The following LBP variants were observed in gnomAD, a reference collection of about 807,000 sequenced individuals.
LBP encodes the protein lipopolysaccharide binding protein.
LBP carries 53 observed loss-of-function variants against 56.6 expected under a neutral mutation model. The ratio of observed to expected loss-of-function variants is 0.94; its 90% CI spans 0.75 to 1.18. The LOEUF (loss-of-function observed/expected upper bound fraction) is 1.18. Ranked by LOEUF, LBP falls within the 50% of genes most tolerant of loss-of-function variation. The pLI, the probability that LBP is intolerant of heterozygous loss-of-function variation, is 0.00. For missense variants in LBP, 601 were observed against 598.3 expected (o/e 1.00, Z -0.05); for synonymous variants, 227 against 247.5 (o/e 0.92, Z 0.78).
intron 1 of LBP, among the ~76,000 whole-genome samples, chr20:38,347,459 G>T (rs1306980006): frequency 6.6e-6 from 1 of 152,116 alleles, no homozygotes; most frequent in Non-Finnish European, 1.5e-5. Flanking sequence ...CAGGAGAATC[G>T]CTTGAACCCG....
At position 38,366,973 on chromosome 20, in the gene LBP, T is replaced by C. The variant is rs2232612; in HGVS notation, c.981+145T>C. ...CCACTGAAGGCTGGGGTGCTGCTCC[T>C]TTCAAAGCCTAAATAACAGAGGCCA... On this transcript the variant is annotated intron_variant, in intron 9 of 14. Transcript: ENST00000217407. 7.6e-3 allele frequency: 5,605 copies of C among 738,052 alleles called. 248 individuals carry two copies. The African/African-American group carries it at 0.087, about 11-fold the overall frequency. 45.7% of individuals were successfully genotyped at this position (738,052 alleles called of 1,614,324 possible). A position where few individuals can be genotyped will look rare whatever the true frequency, so the allele number is the denominator to read the frequency against.
intron 5 of LBP, 113 bp downstream of exon 5, chr20:38,355,522 G>A: frequency 2.2e-6 from 2 of 922,820 alleles, no homozygotes; most frequent in Non-Finnish European, 1.7e-6. Context: ...ACGTACTTGG[G>A]CCCAAAGCCC....
intron 3 of LBP, among the ~76,000 whole-genome samples, chr20:38,353,359 C>T (rs6025102): frequency 0.25 from 37,837 of 151,998 alleles, 6,797 homozygotes; most frequent in African/African-American, 0.51. Flanking sequence ...ACAACCACCA[C>T]TGGGGTTGGA....
At chr20:38,350,115 A>C (rs948739842) in intron 2 of LBP, among the ~76,000 whole-genome samples, 2 of 152,110 alleles carry the variant, frequency 1.3e-5, no homozygotes, top group African/African-American at 4.8e-5. Context: ...AGATTACTAG[A>C]CTTGAGCAGC....
Position 38,355,373 on chromosome 20 carries a change from G to T in LBP, c.552G>T (p.Gln184His), listed in dbSNP as rs367837728. 2.6e-5 allele frequency: 42 copies of T among 1,613,706 alleles called. No homozygotes were observed. The African/African-American group carries it at 5.3e-4, about 21-fold the overall frequency. The change falls in exon 5 of 15, where the codon CAG (glutamine) becomes CAT (histidine). Residue 184 changes from glutamine to histidine, a missense_variant. Gln to His is a conservative substitution (Grantham distance 24, BLOSUM62 0). Transcript: ENST00000217407. ...LGWLLNLFHN[Q>H]IESKFQKVLE... ...GGCTGTTGAACCTCTTCCACAACCA[G>T]ATTGAGTCCAAGTTCCAGAAAGTAC... is the stretch of plus-strand genomic sequence containing the variant.
In LBP at chr20:38,350,881, A is replaced by G. The variant is rs1235638920; in HGVS notation, c.310A>G (p.Ser104Gly). ...TGTCCCTGGCCAGGGCCTGAGTCTC[A>G]GCATCTCCGACTCCTCCATCCGGGT... ...RPVPGQGLSLSISDSSIRVQG... is the reference protein window; with the variant it reads ...RPVPGQGLSLGISDSSIRVQG... Residue 104 changes from serine (S) to glycine (G), a missense_variant, in exon 3 of 15, where the codon AGC becomes GGC. By Grantham distance (56) the Ser-to-Gly change is moderately conservative. Coordinates refer to ENST00000217407, the MANE Select transcript of LBP (RefSeq NM_004139.5). The G allele has an allele frequency of 1.3e-5, 21 of 1,614,032 alleles. No homozygotes were observed. The highest frequency in any genetic ancestry group is 3.3e-5 in the Admixed American group (2 of 60,026).
intron 7 of LBP, among the ~76,000 whole-genome samples, chr20:38,364,334 C>T (rs554704197): frequency 7.2e-5 from 11 of 152,220 alleles, no homozygotes; most frequent in South Asian, 2.1e-4. Context: ...CCAATCAGAG[C>T]GGGTCTTAGG....
rs1277715285 is a variant in LBP at position 38,373,126 on chromosome 20, A to G, written c.1315A>G (p.Lys439Glu). 6.2e-7 allele frequency: 1 copy of G among 1,613,090 alleles called. No individual in the cohort carries two copies. Among genetic ancestry groups the G allele is most frequent in the East Asian group, 2.2e-5 (1 of 44,896 alleles). Residue 439 changes from lysine (K) to glutamate (E), a missense_variant, in exon 13 of 15, where the codon AAG becomes GAG. By Grantham distance (56) the Lys-to-Glu change is moderately conservative (BLOSUM62 1). Transcript: ENST00000217407. ...NYYILNTFYP[K>E]FNDKLAEGFP... ...TTACATCCTTAACACCTTCTACCCC[A>G]AGTTCAATGGTAAGAATCACTGTGG...
At chr20:38,374,051 G>A in intron 14 of LBP, 38 bp downstream of exon 14, 2 of 1,594,238 alleles carry the variant, frequency 1.3e-6, no homozygotes, top group Middle Eastern at 1.7e-4. Context: ...ATGTGTGAGG[G>A]AGGAGGTGGT....
chr20:38,373,263 C>A, intron 13 of LBP, 128 bp downstream of exon 13: 1 of 735,072 alleles, frequency 1.4e-6, no homozygotes, highest in Non-Finnish European at 2.3e-6. Context: ...TCTCTCTGAG[C>A]TTAGTGACCT....
At chr20:38,362,441 C>T (rs2076864384) in intron 6 of LBP, among the ~76,000 whole-genome samples, 1 of 149,940 alleles carries the variant, frequency 6.7e-6, no homozygotes, top group African/African-American at 2.4e-5. Flanking sequence ...GGTGAAACCC[C>T]GTCTCTACTA....
At chr20:38,371,170 C>A in intron 11 of LBP, 110 bp from the exon 12 acceptor site, 2 of 788,258 alleles carry the variant, frequency 2.5e-6, no homozygotes, top group Non-Finnish European at 4.3e-6. Context: ...TCCCGCCCTA[C>A]CTTTGGCCCT....
chr20:38,356,454 A>C (rs11700360), intron 5 of LBP, among the ~76,000 whole-genome samples: 7,608 of 101,130 alleles, frequency 0.075, 290 homozygotes, highest in South Asian at 0.15. Context: ...ACACACACAC[A>C]CCCTCGTCTG....
At chr20:38,358,131 C>T (rs2076847683) in intron 5 of LBP, among the ~76,000 whole-genome samples, 1 of 152,212 alleles carries the variant, frequency 6.6e-6, no homozygotes, top group South Asian at 2.1e-4. Context: ...GTCTCAGCCT[C>T]ATTTTGCCCC....
chr20:38,360,887 G>A (rs1445310358), intron 6 of LBP, 120 bp downstream of exon 6: 15 of 704,996 alleles, frequency 2.1e-5, no homozygotes, highest in Non-Finnish European at 3.2e-5. Context: ...TAAGGGCCAG[G>A]CGCAGCGGCT....
rs200416387 is a variant in LBP, at chr20:38,366,829, G to A, written c.981+1G>A. 2.9e-5 allele frequency: 46 copies of A among 1,613,734 alleles called. No individual in the cohort carries two copies. The highest frequency in any genetic ancestry group is 9.3e-5 in the African/African-American group (7 of 74,878). On this transcript the variant is annotated splice_donor_variant, in intron 9 of 14. Coordinates refer to ENST00000217407, the MANE Select transcript of LBP (RefSeq NM_004139.5). LOFTEE classifies it high-confidence loss of function. ...GTCCTTCCGACCCTTCGTCCCACGGGTAAGGAGTCCCTTAGTTCCCCATGA... is the reference window on the plus strand; with the variant it reads ...GTCCTTCCGACCCTTCGTCCCACGGATAAGGAGTCCCTTAGTTCCCCATGA...
chr20:38,364,248 G>C (rs187348076), intron 7 of LBP, among the ~76,000 whole-genome samples, 182 bp downstream of exon 7: 1 of 152,278 alleles, frequency 6.6e-6, no homozygotes, highest in Non-Finnish European at 1.5e-5. Flanking sequence ...TCCCACGGCT[G>C]TCTTACACCT....
At chr20:38,352,803 A>G (rs974522360) in intron 3 of LBP, among the ~76,000 whole-genome samples, 1 of 151,792 alleles carries the variant, frequency 6.6e-6, no homozygotes, top group African/African-American at 2.4e-5. Flanking sequence ...TAGCCACCAC[A>G]CCTGGCTAAT....
intron 2 of LBP, 103 bp from the exon 3 acceptor site, chr20:38,350,708 C>T: frequency 7.5e-7 from 1 of 1,331,926 alleles, no homozygotes; most frequent in Non-Finnish European, 1.0e-6. Context: ...TGGAGCAGAT[C>T]CTGCTGGTCT....
Sources: allele counts gnomAD v4.1 joint callset (sites outside exome capture counted in the v4.1 genomes callset), GRCh38; gene constraint gnomAD v4.1.1; transcripts MANE v1.5; gene names NCBI Gene and HGNC (gene_info 2026-07-23, HGNC 2026-07-21).